The following CNTN5 variants were observed in gnomAD, a reference collection of about 807,000 sequenced individuals.
The protein encoded by CNTN5 is contactin 5, also known as contactin-5.
A neutral mutation model predicts 129.1 loss-of-function variants in CNTN5; 77 were observed. That is an observed-to-expected ratio of 0.60 (90% CI 0.50 to 0.72). CNTN5 has a LOEUF of 0.72. CNTN5 is among the 30% of genes least tolerant of loss of function. The pLI is 0.00. For synonymous variants in CNTN5, 509 were observed against 465.6 expected (o/e 1.09, Z -1.20); for missense variants, 1,478 against 1,328.8 (o/e 1.11, Z -1.75).
At chr11:99,566,446 G>T (rs1329488265) in intron 3 of CNTN5, among the ~76,000 whole-genome samples, 1 of 152,110 alleles carries the variant, frequency 6.6e-6, no homozygotes, top group African/African-American at 2.4e-5. Flanking sequence ...CATGCACAAG[G>T]GTTAGCAGGA....
intron 4 of CNTN5, among the ~76,000 whole-genome samples, chr11:99,824,848 T>A (rs957459055): frequency 6.6e-6 from 1 of 152,066 alleles, no homozygotes; most frequent in South Asian, 2.1e-4. Context: ...CACTCACTTA[T>A]ATATGTTAAA....
chr11:99,527,910 C>T (rs911083200), intron 2 of CNTN5, among the ~76,000 whole-genome samples: 9 of 152,010 alleles, frequency 5.9e-5, no homozygotes, highest in African/African-American at 4.8e-5. Flanking sequence ...AACAAAGCCC[C>T]GCAGAGAACA....
chr11:99,155,744 A>T (rs140041842), intron 1 of CNTN5, among the ~76,000 whole-genome samples: 3 of 152,324 alleles, frequency 2.0e-5, no homozygotes, highest in African/African-American at 7.2e-5. Flanking sequence ...AATGATGACA[A>T]TAACATTCAA....
intron 3 of CNTN5, among the ~76,000 whole-genome samples, chr11:99,815,617 T>C (rs141119502): frequency 5.3e-5 from 8 of 152,310 alleles, no homozygotes; most frequent in African/African-American, 1.9e-4. Flanking sequence ...TCATCCCTTA[T>C]GTCTGAACTC....
intron 3 of CNTN5, among the ~76,000 whole-genome samples, chr11:99,692,212 T>C (rs1478347795): frequency 5.3e-5 from 8 of 152,196 alleles, no homozygotes; most frequent in Admixed American, 5.2e-4. Flanking sequence ...ACTCTGTGTC[T>C]TTTAATTGGG....
chr11:99,783,885 G>T (rs1591168237), intron 3 of CNTN5, among the ~76,000 whole-genome samples: 1 of 151,598 alleles, frequency 6.6e-6, no homozygotes, highest in South Asian at 2.1e-4. Flanking sequence ...ACGAGTTAGT[G>T]GGTGCAGTGC....
At chr11:100,279,555 T>C (rs1198519350) in intron 18 of CNTN5, among the ~76,000 whole-genome samples, 1 of 151,960 alleles carries the variant, frequency 6.6e-6, no homozygotes, top group Non-Finnish European at 1.5e-5. Context: ...TGTATGTGTC[T>C]AGAAATTTGT....
chr11:100,347,358 A>G (rs555821209), intron 23 of CNTN5, among the ~76,000 whole-genome samples: 10 of 152,154 alleles, frequency 6.6e-5, no homozygotes, highest in African/African-American at 2.4e-4. Flanking sequence ...TTCACTCTAA[A>G]TAGGAGACTC....
intron 3 of CNTN5, among the ~76,000 whole-genome samples, chr11:99,693,972 C>A (rs1954150197): frequency 6.6e-6 from 1 of 151,970 alleles, no homozygotes. Context: ...AATGTATAAA[C>A]ATTCAGATCT....
chr11:99,560,920 G>A (rs1205481597), intron 3 of CNTN5, among the ~76,000 whole-genome samples: 4 of 152,092 alleles, frequency 2.6e-5, no homozygotes, highest in Non-Finnish European at 5.9e-5. Context: ...GTTTGGGTGG[G>A]TGTGTGTATA....
At chr11:99,844,690 T>G (rs1220448229) in intron 4 of CNTN5, 162 bp from the exon 5 acceptor site, 1 of 636,446 alleles carries the variant, frequency 1.6e-6, no homozygotes, top group African/African-American at 1.9e-5. Flanking sequence ...TACAATTTAA[T>G]AAAACAATGC....
chr11:99,833,759 T>C (rs11221556), intron 4 of CNTN5, among the ~76,000 whole-genome samples: 23,771 of 152,130 alleles, frequency 0.16, 1,996 homozygotes, highest in Non-Finnish European at 0.18. Flanking sequence ...AACTTGATCA[T>C]CCTGTTCAAG....
At chr11:99,397,360 CTT>C (rs1172597368) in intron 2 of CNTN5, among the ~76,000 whole-genome samples, 2 of 151,816 alleles carry the variant, frequency 1.3e-5, no homozygotes, top group African/African-American at 4.8e-5. Flanking sequence ...TGTAACTACT[CTT>C]TTATTCTCCC....
intron 23 of CNTN5, among the ~76,000 whole-genome samples, chr11:100,348,001 A>G (rs1399309431): frequency 6.6e-6 from 1 of 151,930 alleles, no homozygotes; most frequent in African/African-American, 2.4e-5. Flanking sequence ...GCAATACCAC[A>G]ATCACTTTCT....
intron 23 of CNTN5, 93 bp from the exon 24 acceptor site, chr11:100,350,609 T>C: frequency 1.1e-6 from 1 of 905,066 alleles, no homozygotes; most frequent in Non-Finnish European, 1.7e-6. Flanking sequence ...TGTAAGCTCC[T>C]TGTGCTTATC....
intron 2 of CNTN5, among the ~76,000 whole-genome samples, chr11:99,395,722 T>C (rs1333184806): frequency 2.6e-5 from 4 of 151,686 alleles, no homozygotes; most frequent in Admixed American, 6.6e-5. Context: ...TTTTTGTATA[T>C]GATGTAAGGA....
intron 3 of CNTN5, among the ~76,000 whole-genome samples, chr11:99,674,837 A>G (rs966874615): frequency 2.6e-4 from 40 of 151,986 alleles, no homozygotes; most frequent in African/African-American, 9.2e-4. Flanking sequence ...CTCTGAAACC[A>G]ATGAATTCTG....
intron 13 of CNTN5, among the ~76,000 whole-genome samples, chr11:100,081,093 T>C (rs185836997): frequency 1.3e-5 from 2 of 152,262 alleles, no homozygotes; most frequent in Admixed American, 1.3e-4. Context: ...GAAAGCTAAC[T>C]GCACAAGACT....
At chr11:99,439,706 TC>T (rs1943744686) in intron 2 of CNTN5, among the ~76,000 whole-genome samples, 1 of 6,406 alleles carries the variant, frequency 1.6e-4, no homozygotes, top group African/African-American at 3.9e-4. Flanking sequence ...AGACTCTGTC[TC>T]AAAAAAAAAA....
Sources: gnomAD v4.1 joint callset for allele counts (sites outside exome capture counted in the v4.1 genomes callset) on GRCh38, gnomAD v4.1.1 for gene constraint, MANE v1.5 for transcripts, NCBI Gene and HGNC (gene_info 2026-07-23, HGNC 2026-07-21) for gene names.